TTC34: variants seen among roughly 807,000 people sequenced by gnomAD.
TTC34 encodes tetratricopeptide repeat protein 34.
TTC34 carries 44 observed loss-of-function variants against 40.7 expected under a neutral mutation model. That is an observed-to-expected ratio of 1.08 (90% confidence interval 0.85 to 1.39). The LOEUF is 1.39. Ranked by LOEUF, TTC34 falls within the 40% of genes most tolerant of loss-of-function variation. The pLI is 0.00. For missense variants in TTC34, 884 were observed against 838.0 expected, an observed-to-expected ratio of 1.05 and a Z score of -0.68; for synonymous variants, 422 against 398.6, an observed-to-expected ratio of 1.06 and a Z score of -0.70.
At chr1:2,681,073 A>G in intron 6 of TTC34, among the ~76,000 whole-genome samples, 1 of 75,014 alleles carries the variant, frequency 1.3e-5, no homozygotes, top group African/African-American at 4.5e-5. Context: ...CACCCAGGCG[A>G]GCATCTGACA....
At chr1:2,786,559 A>G (rs957922684) in intron 4 of TTC34, among the ~76,000 whole-genome samples, 13 of 152,164 alleles carry the variant, frequency 8.5e-5, no homozygotes. Context: ...TCCCGAGCCT[A>G]GGACTTCTCC....
chr1:2,761,961 G>A lies in TTC34; in HGVS notation c.2226+21648C>T, dbSNP rs1270152327. ...GGCGAGCATCTGACAGCCTGGAGCA[G>A]CACACACAACCTTAGGCGAGCATCT... On this transcript the variant is annotated intron_variant, in intron 6 of 8. Coordinates refer to ENST00000401095, the Ensembl canonical transcript of TTC34. 6.0e-5 allele frequency among the ~76,000 whole-genome samples: 4 copies of A among 66,492 alleles called. 1 individual carries two copies. The highest frequency in any genetic ancestry group is 2.4e-4 in the African/African-American group (3 of 12,554). 43.6% of individuals were successfully genotyped at this position (66,492 alleles called of 152,430 possible).
intron 6 of TTC34, among the ~76,000 whole-genome samples, chr1:2,652,509 G>A (rs1639180199): frequency 4.3e-5 from 6 of 138,914 alleles, no homozygotes; most frequent in Middle Eastern, 4.3e-3. Flanking sequence ...CTGACGGCCT[G>A]CAACAGCACC....
intron 2 of TTC34, among the ~76,000 whole-genome samples, chr1:2,793,779 C>T (rs989780126): frequency 2.6e-5 from 4 of 152,112 alleles, no homozygotes; most frequent in African/African-American, 9.7e-5. Context: ...TTTTATTGGT[C>T]TTTCTATCTA....
intron 6 of TTC34, among the ~76,000 whole-genome samples, chr1:2,755,546 C>G (rs1213722033): frequency 9.1e-6 from 1 of 109,358 alleles, no homozygotes; most frequent in Non-Finnish European, 1.8e-5. Context: ...CCCACACCCA[C>G]AGGCGAGCAT....
rs558569145 is a variant in TTC34 at position 2,691,933 on chromosome 1, C to T, written c.2227-46370G>A. On this transcript the variant is annotated intron_variant, in intron 6 of 8. Transcript: ENST00000401095. ...CAGGTGAGCATCTGACAGTCTGGAACACCACGCACAACCCCAGGTGAGCAT... is the reference window on the plus strand; with the variant it reads ...CAGGTGAGCATCTGACAGTCTGGAATACCACGCACAACCCCAGGTGAGCAT... Among the ~76,000 whole-genome samples, 2 of 81,632 alleles carry T rather than the reference C, an allele frequency of 2.5e-5. 1 individual carries two copies. Among genetic ancestry groups the T allele is most frequent in the Non-Finnish European group, 5.6e-5 (2 of 35,862 alleles). 53.6% of individuals were successfully genotyped at this position (81,632 alleles called of 152,430 possible). A position where few individuals can be genotyped will look rare whatever the true frequency, so the allele number is the denominator to read the frequency against.
chr1:2,779,432 T>C (rs1288182765), intron 6 of TTC34, among the ~76,000 whole-genome samples: 1 of 152,166 alleles, frequency 6.6e-6, no homozygotes, highest in African/African-American at 2.4e-5. Flanking sequence ...CAAGCGATTC[T>C]CCTGCCTCAG....
Position 2,789,355 on chromosome 1 carries a change from G to A in TTC34, c.1628+148C>T, listed in dbSNP as rs559347782. On this transcript the variant is annotated intron_variant, in intron 3 of 8. Transcript: ENST00000401095. ...CTGCGGCCCGGTCGATGGAAGCAGCGGAGCTAGACCTGCCTCGGGTGCTTT... is the reference window on the plus strand; with the variant it reads ...CTGCGGCCCGGTCGATGGAAGCAGCAGAGCTAGACCTGCCTCGGGTGCTTT... The A allele has an allele frequency of 5.7e-6, 4 of 701,668 alleles. No homozygotes were observed. In the East Asian group the frequency reaches 1.0e-4, roughly 18 times the overall value. 43.5% of individuals were successfully genotyped at this position (701,668 alleles called of 1,614,324 possible).
chr1:2,657,431 G>T (rs1185004439), intron 6 of TTC34, among the ~76,000 whole-genome samples: 6 of 87,898 alleles, frequency 6.8e-5, no homozygotes, highest in Non-Finnish European at 1.7e-4. Flanking sequence ...CCCCAGGCGA[G>T]CATCTGAACT....
At chr1:2,791,313 G>T (rs916184061) in intron 2 of TTC34, among the ~76,000 whole-genome samples, 1 of 152,194 alleles carries the variant, frequency 6.6e-6, no homozygotes, top group Admixed American at 6.5e-5. Flanking sequence ...CACAGGTTAC[G>T]AAGGTGCTGC....
rs188267361 is a variant in TTC34, at chr1:2,781,953, G to A, written c.2226+1656C>T. On this transcript the variant is annotated intron_variant, in intron 6 of 8. Transcript: ENST00000401095. ...AGGATTTTTGCCTCAATATTCATACGGGATAATGGTCTGTAGTTTTCTTGT... is the reference window on the plus strand; with the variant it reads ...AGGATTTTTGCCTCAATATTCATACAGGATAATGGTCTGTAGTTTTCTTGT... Among the ~76,000 whole-genome samples, 30 of 152,242 alleles carry A rather than the reference G, an allele frequency of 2.0e-4. No individual in the cohort carries two copies. The East Asian group carries it at 5.2e-3, about 26-fold the overall frequency.
chr1:2,637,386 G>A (rs1250705245), exon 9 of TTC34: 3 of 152,154 alleles, frequency 2.0e-5, no homozygotes, highest in Non-Finnish European at 4.4e-5. Flanking sequence ...CTGGGAACCT[G>A]TCCCTGTCTG....
intron 6 of TTC34, among the ~76,000 whole-genome samples, chr1:2,756,045 A>G (rs1289843014): frequency 1.2e-3 from 70 of 58,760 alleles, no homozygotes; most frequent in Middle Eastern, 0.012. Context: ...GCATCTGACA[A>G]CCTGGAACAG....
rs1641280855 is a variant in TTC34 at position 2,750,516 on chromosome 1, C to G, written c.2226+33093G>C. Among the ~76,000 whole-genome samples the G allele has an allele frequency of 4.0e-5, 6 of 149,064 alleles. 1 individual carries two copies. The highest frequency in any genetic ancestry group is 8.9e-5 in the Non-Finnish European group (6 of 67,460). On this transcript the variant is annotated intron_variant, in intron 6 of 8. Transcript: ENST00000401095. Reference sequence around the variant, plus strand: ...TTGAGCATTGGACAGCCTGGATCAGCACCCACATCCCCAAGCGAGCATCCG... The same window carrying G: ...TTGAGCATTGGACAGCCTGGATCAGGACCCACATCCCCAAGCGAGCATCCG...
chr1:2,786,014 T>C, exon 5 of TTC34: 4 of 1,467,682 alleles, frequency 2.7e-6, no homozygotes, highest in South Asian at 2.8e-5. Context: ...TGGACCAGCT[T>C]CTTCACCAAC....
At chr1:2,768,080 C>G (rs566157444) in intron 6 of TTC34, among the ~76,000 whole-genome samples, 39 of 151,688 alleles carry the variant, frequency 2.6e-4, no homozygotes, top group African/African-American at 8.9e-4. Flanking sequence ...GAACGGCAAC[C>G]CACATCCCCA....
chr1:2,782,421 T>C (rs1643498930), intron 6 of TTC34, among the ~76,000 whole-genome samples: 1 of 152,234 alleles, frequency 6.6e-6, no homozygotes, highest in Non-Finnish European at 1.5e-5. Context: ...TGTCAAATTT[T>C]GTCTTTTCAA....
chr1:2,638,459 G>A lies in TTC34; in HGVS notation c.*2909C>T, dbSNP rs565146292. On this transcript the variant is annotated 3_prime_UTR_variant, in exon 9 of 9. Transcript: ENST00000401095. ...TGCTGGCGGTCTACAGTTAATGAAG[G>A]GGAGATGCTGGAATGTCCCTGGTGT... The A allele has an allele frequency of 6.1e-4, 93 of 152,332 alleles. 2 individuals carry two copies. Among genetic ancestry groups the A allele is most frequent in the African/African-American group, 2.1e-3 (86 of 41,564 alleles). 9.4% of individuals were successfully genotyped at this position (152,332 alleles called of 1,614,324 possible).
chr1:2,764,435 T>A (rs1641735658), intron 6 of TTC34, among the ~76,000 whole-genome samples: 1 of 148,120 alleles, frequency 6.8e-6, no homozygotes, highest in Non-Finnish European at 1.5e-5. Flanking sequence ...CAGGTGAGCA[T>A]CTGACAGCCT....
Sources: allele counts gnomAD v4.1 joint callset (sites outside exome capture counted in the v4.1 genomes callset), GRCh38; gene constraint gnomAD v4.1.1; transcripts MANE v1.5; gene names NCBI Gene and HGNC (gene_info 2026-07-23, HGNC 2026-07-21).